Variants in LITAF observed in about 807,000 individuals in gnomAD.
LITAF encodes lipopolysaccharide induced TNF factor.
In LITAF, 9 loss-of-function variants were observed where a neutral mutation model predicts 14.5. The observed-to-expected ratio is 0.62, with a 90% confidence interval of 0.37 to 1.08. LITAF has a LOEUF of 1.08. Ranked by LOEUF, LITAF falls within the 50% of genes least tolerant of loss-of-function variation. The pLI is 0.01. For synonymous variants in LITAF, 98 were observed against 88.2 expected (o/e 1.11, Z -0.62); for missense variants, 206 against 213.4 (o/e 0.97, Z 0.22).
intron 2 of LITAF, chr16:11,556,203 T>G: frequency 3.9e-6 from 2 of 512,694 alleles, no homozygotes; most frequent in South Asian, 3.6e-5. Context: ...GGAGGAAGTG[T>G]GCGGGCCCTT....
At chr16:11,589,788 T>C (rs2064837220), upstream of LITAF, among the ~76,000 whole-genome samples, 1 of 151,400 alleles carries the variant, frequency 6.6e-6, no homozygotes, top group Non-Finnish European at 1.5e-5. Context: ...CCAGCTAGTT[T>C]TTTTTTGTAA....
At chr16:11,622,017 A>G (rs1391869481) in intron 3 of LITAF, among the ~76,000 whole-genome samples, 1 of 152,192 alleles carries the variant, frequency 6.6e-6, no homozygotes, top group Non-Finnish European at 1.5e-5. Flanking sequence ...TAAACAATGC[A>G]AAACAAAATG....
intron 3 of LITAF, among the ~76,000 whole-genome samples, chr16:11,615,826 T>A (rs966499553): frequency 6.6e-6 from 1 of 152,094 alleles, no homozygotes; most frequent in African/African-American, 2.4e-5. Flanking sequence ...TAGAGTATCT[T>A]TCGTATGCTA....
Position 11,594,656 on chromosome 16 carries a change from G to A in LITAF, c.-6+3732C>T, listed in dbSNP as rs1389724529. 4.6e-5 allele frequency among the ~76,000 whole-genome samples: 7 copies of A among 152,180 alleles called. No individual in the cohort carries two copies. The East Asian group carries it at 1.4e-3, about 29-fold the overall frequency. On this transcript the variant is annotated intron_variant, in intron 1 of 3. Transcript: ENST00000571627. Reference sequence around the variant, plus strand: ...TTTAGGAGGCTGAGGCAGGTGGATCGCTTGAGGCTAAGAGTTTGAGACCAG... The same window carrying A: ...TTTAGGAGGCTGAGGCAGGTGGATCACTTGAGGCTAAGAGTTTGAGACCAG...
At chr16:11,590,512 T>C (rs1409710819), upstream of LITAF, among the ~76,000 whole-genome samples, 1 of 117,286 alleles carries the variant, frequency 8.5e-6, no homozygotes, top group East Asian at 2.9e-4. Context: ...CAATACTTTG[T>C]GATAAAGTAT....
chr16:11,602,865 C>G (rs1440886721), upstream of LITAF, among the ~76,000 whole-genome samples: 1 of 151,828 alleles, frequency 6.6e-6, no homozygotes, highest in Non-Finnish European at 1.5e-5. Context: ...AATCTCAGAG[C>G]TTTGAGAGGC....
At chr16:11,594,278 T>C (rs1007837717) in intron 1 of LITAF, among the ~76,000 whole-genome samples, 1 of 150,118 alleles carries the variant, frequency 6.7e-6, no homozygotes, top group African/African-American at 2.5e-5. Context: ...GTTAAAATGT[T>C]AAACTTCATT....
chr16:11,556,576 T>A lies in LITAF; in HGVS notation c.155A>T (p.Asp52Val), dbSNP rs2064272918. ...GPTTGLVTGPDGKGMNPPSYY... is the reference protein window; with the variant it reads ...GPTTGLVTGPVGKGMNPPSYY... ...CGAAGGAGGATTCATGCCCTTCCCA[T>A]CAGGCCCCGTCACAAGCCCCGTAGT... The change falls in exon 2 of 4, where the codon GAT (aspartate) becomes GTT (valine). Residue 52 changes from aspartate to valine, a missense_variant. By Grantham distance (152) the Asp-to-Val change is radical (BLOSUM62 -3). Coordinates refer to ENST00000622633, the MANE Select transcript of LITAF (RefSeq NM_001136472.2). 1.2e-5 allele frequency: 19 copies of A among 1,614,134 alleles called. No individual in the cohort carries two copies. The highest frequency in any genetic ancestry group is 1.6e-5 in the Non-Finnish European group (19 of 1,180,032).
chr16:11,608,858 G>A (rs1452342684), intron 3 of LITAF, among the ~76,000 whole-genome samples: 3 of 152,138 alleles, frequency 2.0e-5, no homozygotes, highest in Admixed American at 6.5e-5. Flanking sequence ...AGCTACTCGG[G>A]AGGCCGAGGC....
In LITAF at chr16:11,549,650, T is replaced by C. The variant is rs772527709; in HGVS notation, c.473A>G (p.Tyr158Cys). The C allele has an allele frequency of 3.1e-6, 5 of 1,613,000 alleles. No homozygotes were observed. Among genetic ancestry groups the C allele is most frequent in the Middle Eastern group, 1.7e-4 (1 of 6,060 alleles). ...TCTGGCTGAGTCCTACAAACGCTTGTAGGTGCCCAGGAGAGCTCTGCAGTT... is the reference window on the plus strand; with the variant it reads ...TCTGGCTGAGTCCTACAAACGCTTGCAGGTGCCCAGGAGAGCTCTGCAGTT... The part of the protein sequence containing the change: ...CPNCRALLGT[Y>C]KRL Residue 158 changes from tyrosine (Y) to cysteine (C), a missense_variant, in exon 4 of 4, where the codon TAC (tyrosine) becomes TGC (cysteine). Coordinates refer to ENST00000622633, the MANE Select transcript of LITAF (RefSeq NM_001136472.2). This position sits in a 1 kb window ranked among gnomAD's most constrained non-coding sequence, Gnocchi z 4.6.
At chr16:11,577,767 G>A (rs1434929756) in intron 1 of LITAF, among the ~76,000 whole-genome samples, 1 of 152,046 alleles carries the variant, frequency 6.6e-6, no homozygotes, top group African/African-American at 2.4e-5. Flanking sequence ...CCAGGCTGGA[G>A]TGCAGTGGCA....
intron 1 of LITAF, among the ~76,000 whole-genome samples, chr16:11,584,859 AG>A (rs35082032): frequency 6.6e-6 from 1 of 152,198 alleles, no homozygotes; most frequent in Non-Finnish European, 1.5e-5. Context: ...GAAGTAACAA[AG>A]GGAAATGTAT....
intron 2 of LITAF, among the ~76,000 whole-genome samples, chr16:11,635,610 C>A (rs1055547449): frequency 2.0e-5 from 3 of 152,218 alleles, no homozygotes; most frequent in African/African-American, 7.2e-5. Context: ...GGAAATGAGA[C>A]CCTGGGCCGC....
chr16:11,629,062 C>G (rs1162292233), intron 3 of LITAF: 1 of 152,346 alleles, frequency 6.6e-6, no homozygotes, highest in Non-Finnish European at 1.5e-5. Flanking sequence ...TCCCGCCTCG[C>G]CCTTCCGAAG....
chr16:11,567,420 G>GA (rs78887090), intron 1 of LITAF, among the ~76,000 whole-genome samples: 2,275 of 136,396 alleles, frequency 0.017, 24 homozygotes, highest in African/African-American at 0.036. Context: ...ACTCCGTCTG[G>GA]AAAAAAAAAA....
upstream of LITAF, among the ~76,000 whole-genome samples, chr16:11,590,098 G>A (rs575038909): frequency 1.6e-3 from 161 of 101,636 alleles, 37 homozygotes; most frequent in Admixed American, 4.0e-3. Context: ...TTTGAATCTA[G>A]CCTGGGCAAC....
chr16:11,552,144 A>G (rs957597956), intron 3 of LITAF, among the ~76,000 whole-genome samples: 1 of 152,180 alleles, frequency 6.6e-6, no homozygotes, highest in Admixed American at 6.5e-5. Flanking sequence ...CCAAAGGACA[A>G]TGTGGAGGAA....
In LITAF at chr16:11,553,743, C is replaced by T. The variant is rs770945240; in HGVS notation, c.221-54G>A. 1.6e-5 allele frequency: 26 copies of T among 1,594,122 alleles called. No individual in the cohort carries two copies. The highest frequency in any genetic ancestry group is 1.9e-5 in the Non-Finnish European group (22 of 1,163,092). On this transcript the variant is annotated intron_variant, in intron 2 of 3. Coordinates refer to ENST00000622633, the MANE Select transcript of LITAF (RefSeq NM_001136472.2). The surrounding 1 kb of genome is among the most constrained non-coding windows in gnomAD (Gnocchi z 7.7). ...GTTGCTCAGGAAACAAGGCCAATAG[C>T]ATTCACTACAGGACAAAGAGAGGAA...
At chr16:11,597,197 G>A (rs548980823) in intron 1 of LITAF, among the ~76,000 whole-genome samples, 4 of 152,216 alleles carry the variant, frequency 2.6e-5, no homozygotes, top group Middle Eastern at 6.8e-3. Flanking sequence ...GTTAGGAGCA[G>A]GGGAGGAAAA....
Sources: allele counts gnomAD v4.1 joint callset (sites outside exome capture counted in the v4.1 genomes callset), GRCh38; gene constraint gnomAD v4.1.1; non-coding constraint Gnocchi (gnomAD v3.1); transcripts MANE v1.5; gene names NCBI Gene and HGNC (gene_info 2026-07-23, HGNC 2026-07-21).